Variants in ADAMTS14 observed in about 807,000 individuals in gnomAD.
ADAMTS14 encodes A disintegrin and metalloproteinase with thrombospondin motifs 14.
In ADAMTS14, 100 loss-of-function variants were observed where a neutral mutation model predicts 128.6. That is an observed-to-expected ratio of 0.78 (90% CI 0.66 to 0.92). The LOEUF is 0.92. ADAMTS14 is among the 40% of genes least tolerant of loss of function. ADAMTS14 has a pLI of 0.00. For synonymous variants in ADAMTS14, 665 were observed against 653.8 expected (o/e 1.02, Z -0.26); for missense variants, 1,562 against 1,658.6 (o/e 0.94, Z 1.01).
At chr10:70,687,068 C>CA (rs1839989288) in intron 2 of ADAMTS14, among the ~76,000 whole-genome samples, 2 of 98,672 alleles carry the variant, frequency 2.0e-5, no homozygotes, top group African/African-American at 6.5e-5. Flanking sequence ...CTGACCCCCC[C>CA]CACCTCCCTC....
Position 70,735,316 on chromosome 10 carries a change from G to T in ADAMTS14, c.1485+15G>T, listed in dbSNP as rs775161249. ...CCTGCTTGGCAGTAAGTAGCCATCT[G>T]GCCTCTGCCAGGTGGTTGGGGGCCA... On this transcript the variant is annotated intron_variant, in intron 9 of 21. Transcript: ENST00000373207. 1 of 1,613,002 alleles carries T rather than the reference G, an allele frequency of 6.2e-7. No individual in the cohort carries two copies. Among genetic ancestry groups the T allele is most frequent in the Non-Finnish European group, 8.5e-7 (1 of 1,179,556 alleles).
intron 3 of ADAMTS14, among the ~76,000 whole-genome samples, chr10:70,704,004 G>A (rs752474367): frequency 5.9e-5 from 9 of 152,244 alleles, no homozygotes; most frequent in South Asian, 2.1e-4. Flanking sequence ...ATTTCTAGGC[G>A]TGCCTGTCTC....
chr10:70,711,878 A>G (rs1159339716), intron 4 of ADAMTS14, among the ~76,000 whole-genome samples: 1 of 152,144 alleles, frequency 6.6e-6, no homozygotes. Flanking sequence ...GTCAATATCA[A>G]TAAAAGAGCA....
chr10:70,681,181 C>T (rs769477483), intron 2 of ADAMTS14, among the ~76,000 whole-genome samples: 8 of 152,146 alleles, frequency 5.3e-5, no homozygotes, highest in Non-Finnish European at 1.2e-4. Flanking sequence ...TACTAAGCTT[C>T]AGTGATTTGT....
At chr10:70,705,565 A>G (rs78001063) in intron 3 of ADAMTS14, among the ~76,000 whole-genome samples, 20,508 of 152,310 alleles carry the variant, frequency 0.13, 1,736 homozygotes, top group Middle Eastern at 0.24. Context: ...ATTCCAGAAG[A>G]TTCCCATCCG....
rs112579615 is a variant in ADAMTS14, at chr10:70,749,636, T to TGC, written c.2264-181_2264-180dup. On this transcript the variant is annotated intron_variant, in intron 15 of 21. Transcript: ENST00000373207. ...GTGTGTGTGTGTGTGTGTGTGTGTG[T>TGC]GCGCGCACGTGGGTTTGACAGGGAG... Among the ~76,000 whole-genome samples the TGC allele has an allele frequency of 4.7e-3, 688 of 146,010 alleles. 6 individuals carry two copies. The highest frequency in any genetic ancestry group is 0.017 in the African/African-American group (635 of 37,566).
rs769027987 is a variant in ADAMTS14 at position 70,689,501 on chromosome 10, G to C, written c.523-12811G>C. Among the ~76,000 whole-genome samples the C allele has an allele frequency of 2.1e-5, 3 of 145,278 alleles. No individual in the cohort carries two copies. The South Asian group carries it at 6.6e-4, about 32-fold the overall frequency. ...GGGTGCACAGCAGGGGCGAAGGCGC[G>C]GAGGCCCATGGGAACTGTGGCTCTG... On this transcript the variant is annotated intron_variant, in intron 2 of 21. Transcript: ENST00000373207.
rs1023441102 is a variant in ADAMTS14 at position 70,702,390 on chromosome 10, G to C, written c.601G>C (p.Gly201Arg). 5 of 1,614,146 alleles carry C rather than the reference G, an allele frequency of 3.1e-6. No individual in the cohort carries two copies. The highest frequency in any genetic ancestry group is 4.2e-6 in the Non-Finnish European group (5 of 1,180,006). The stretch of plus-strand genomic sequence containing the variant: ...GGGCCAGCAGGAGAAGGAGGCCAGC[G>C]GGAGGACACATGTGGTGTACCGCCG... ...ERGQQEKEAS[G>R]RTHVVYRREA... Residue 201 changes from glycine (G) to arginine (R), a missense_variant, in exon 3 of 22, where the codon GGG becomes CGG. By Grantham distance (125) the Gly-to-Arg change is moderately radical. Transcript: ENST00000373207.
chr10:70,753,855 C>T lies in ADAMTS14; in HGVS notation c.2785C>T (p.Gln929Ter). Residue 929 changes from glutamine to a stop codon, truncating the protein, a stop_gained, in exon 19 of 22, where the codon CAG becomes TAG. Coordinates refer to ENST00000373207, the MANE Select transcript of ADAMTS14 (RefSeq NM_080722.4). LOFTEE classifies it high-confidence loss of function. ...CCGGAGCTGTGGGAAGCTGGGGGTG[C>T]AGACACGGGGGATACAGTGCCTGCT... ...CSRSCGKLGV[Q>*]TRGIQCLLPL... The T allele has an allele frequency of 6.3e-7, 1 of 1,593,988 alleles. No homozygotes were observed.
At chr10:70,712,934 T>G (rs558044756) in intron 4 of ADAMTS14, among the ~76,000 whole-genome samples, 4 of 152,252 alleles carry the variant, frequency 2.6e-5, no homozygotes, top group South Asian at 4.1e-4. Flanking sequence ...TACACAGCAG[T>G]GTGGTGGGAT....
chr10:70,686,941 A>C (rs1238209359), intron 2 of ADAMTS14, among the ~76,000 whole-genome samples: 10 of 48,790 alleles, frequency 2.0e-4, no homozygotes, highest in African/African-American at 4.3e-4. Flanking sequence ...TGACACCCCC[A>C]CCTCCCTCCC....
intron 2 of ADAMTS14, 125 bp from the exon 3 acceptor site, chr10:70,702,187 T>C: frequency 1.4e-6 from 2 of 1,407,430 alleles, no homozygotes; most frequent in Non-Finnish European, 9.7e-7. Context: ...CTCAAGGTCC[T>C]GGAGGAAGAG....
intron 2 of ADAMTS14, among the ~76,000 whole-genome samples, chr10:70,700,930 T>C (rs1205232696): frequency 1.3e-5 from 2 of 152,228 alleles, no homozygotes; most frequent in Non-Finnish European, 2.9e-5. Context: ...ACCAGAACTT[T>C]TGCAGACAGT....
chr10:70,758,387 CTG>C (rs765955098), intron 21 of ADAMTS14, 102 bp downstream of exon 21: 32 of 1,015,484 alleles, frequency 3.2e-5, no homozygotes, highest in Non-Finnish European at 3.8e-5. Context: ...TTGTAGCTGT[CTG>C]TGTGACCTTC....
chr10:70,761,018 G>A lies in ADAMTS14; in HGVS notation c.*165G>A. 4.6e-6 allele frequency: 5 copies of A among 1,076,410 alleles called. No individual in the cohort carries two copies. The highest frequency in any genetic ancestry group is 6.3e-6 in the Non-Finnish European group (5 of 791,320). The allele number at this position is 1,076,410 out of a possible 1,614,324, so 66.7% of individuals were successfully genotyped here. A position where few individuals can be genotyped will look rare whatever the true frequency, so the allele number is the denominator to read the frequency against. ...TGATGCTCTTTACCCCACAAAGCGG[G>A]GTGGGAGGAAGACAAAGATCAGGGA... On this transcript the variant is annotated 3_prime_UTR_variant, in exon 22 of 22. Coordinates refer to ENST00000373207, the MANE Select transcript of ADAMTS14 (RefSeq NM_080722.4).
chr10:70,719,505 G>T (rs1841179067), intron 4 of ADAMTS14, among the ~76,000 whole-genome samples: 1 of 151,826 alleles, frequency 6.6e-6, no homozygotes, highest in African/African-American at 2.4e-5. Flanking sequence ...GGGCTCAAGT[G>T]ATCCTCCTGC....
At chr10:70,700,034 G>A (rs750134831) in intron 2 of ADAMTS14, among the ~76,000 whole-genome samples, 39 of 152,004 alleles carry the variant, frequency 2.6e-4, no homozygotes, top group Non-Finnish European at 3.8e-4. Context: ...GCAGAAAGCG[G>A]GATGGGATAA....
Position 70,758,162 on chromosome 10 carries a change from T to C in ADAMTS14, c.3068-13T>C. ...AAGTCCCAAATACTAGAATTGCTTC[T>C]TCCTGCTCACAGGAAATCACCAGAA... On this transcript the variant is annotated splice_polypyrimidine_tract_variant and intron_variant, in intron 20 of 21. Coordinates refer to ENST00000373207, the MANE Select transcript of ADAMTS14 (RefSeq NM_080722.4). 6.2e-7 allele frequency: 1 copy of C among 1,613,908 alleles called. No homozygotes were observed. The highest frequency in any genetic ancestry group is 1.1e-5 in the South Asian group (1 of 91,024).
At position 70,743,579 on chromosome 10, in the gene ADAMTS14, G is replaced by A. The variant is rs201224520; in HGVS notation, c.1956G>A (p.Ser652=). Residue 652 remains serine, a synonymous_variant, in exon 13 of 22, where the codon TCG becomes TCA. Transcript: ENST00000373207. Reference sequence around the variant, plus strand: ...AGAAGTGTGAGCTGATCTGCCAGTCGGCGGACACGGGGGACGTGGTGTTCA... The same window carrying A: ...AGAAGTGTGAGCTGATCTGCCAGTCAGCGGACACGGGGGACGTGGTGTTCA... ...DAQKCELICQ[S]ADTGDVVFMN... The A allele has an allele frequency of 8.2e-5, 132 of 1,612,388 alleles. No individual in the cohort carries two copies. Among genetic ancestry groups the A allele is most frequent in the South Asian group, 8.8e-5 (8 of 90,900 alleles).
Sources: gnomAD v4.1 joint callset for allele counts (sites outside exome capture counted in the v4.1 genomes callset) on GRCh38, gnomAD v4.1.1 for gene constraint, MANE v1.5 for transcripts, NCBI Gene and HGNC (gene_info 2026-07-23, HGNC 2026-07-21) for gene names.